Variants in ODAD2 observed in about 807,000 individuals in gnomAD.
The protein encoded by ODAD2 is outer dynein arm-docking complex subunit 2.
In ODAD2, 89 loss-of-function variants were observed where a neutral mutation model predicts 106.8. The ratio of observed to expected loss-of-function variants is 0.83; its 90% CI spans 0.70 to 0.99. ODAD2 has a LOEUF of 0.99. Among genes scored for constraint, ODAD2 ranks in the 50% least tolerant of loss-of-function variants. The probability of loss-of-function intolerance (pLI) is 0.00; values close to 1 mark genes in which losing one functional copy is unlikely to be tolerated. For synonymous variants in ODAD2, 404 were observed against 436.2 expected (o/e 0.93, Z 0.92); for missense variants, 1,168 against 1,238.5 (o/e 0.94, Z 0.85).
At chr10:27,935,929 C>G (rs1164479274) in intron 15 of ODAD2, among the ~76,000 whole-genome samples, 1 of 151,830 alleles carries the variant, frequency 6.6e-6, no homozygotes, top group Non-Finnish European at 1.5e-5. Flanking sequence ...TTTGAAAATT[C>G]CTAGTTTCTA....
chr10:27,838,969 T>C lies in ODAD2; in HGVS notation c.3021+21656A>G, dbSNP rs539204683. ...AAAGATGCTTCAACATGTGCCAGCATCATCTTATGCCAATCTAACGCTTTT... is the reference window on the plus strand; with the variant it reads ...AAAGATGCTTCAACATGTGCCAGCACCATCTTATGCCAATCTAACGCTTTT... On this transcript the variant is annotated intron_variant, in intron 19 of 19. Coordinates refer to ENST00000305242, the MANE Select transcript of ODAD2 (RefSeq NM_018076.5). Among the ~76,000 whole-genome samples, 6 of 152,324 alleles carry C rather than the reference T, an allele frequency of 3.9e-5. No homozygotes were observed. The South Asian group carries it at 1.2e-3, about 32-fold the overall frequency.
At chr10:27,912,331 C>A (rs951336189) in intron 16 of ODAD2, among the ~76,000 whole-genome samples, 2 of 152,084 alleles carry the variant, frequency 1.3e-5, no homozygotes, top group African/African-American at 4.8e-5. Context: ...TCAGTTTTAT[C>A]TCAGAAATCA....
At chr10:27,822,851 G>A (rs1461166829) in intron 19 of ODAD2, among the ~76,000 whole-genome samples, 3 of 152,168 alleles carry the variant, frequency 2.0e-5, no homozygotes, top group Non-Finnish European at 4.4e-5. Context: ...ATTGGATCCA[G>A]TGCTCTTTCT....
chr10:27,984,703 C>T (rs1234764067), intron 4 of ODAD2, among the ~76,000 whole-genome samples: 4 of 152,218 alleles, frequency 2.6e-5, no homozygotes, highest in African/African-American at 9.6e-5. Flanking sequence ...CGTGATGTCA[C>T]CTGCAATTTT....
At chr10:27,882,173 A>AG (rs1554799029) in intron 17 of ODAD2, among the ~76,000 whole-genome samples, 1 of 109,682 alleles carries the variant, frequency 9.1e-6, no homozygotes, top group Non-Finnish European at 1.8e-5. Flanking sequence ...GTCATAAAAA[A>AG]AAAGAAAGAA....
intron 17 of ODAD2, among the ~76,000 whole-genome samples, chr10:27,886,726 T>C (rs1297399437): frequency 6.6e-6 from 1 of 152,040 alleles, no homozygotes; most frequent in Non-Finnish European, 1.5e-5. Flanking sequence ...AAGATGTTAT[T>C]TGTGGCATTC....
chr10:27,837,089 T>C lies in ODAD2; in HGVS notation c.3021+23536A>G, dbSNP rs1198240672. ...ACAAATTCTGATGCAAGAAAGGTCA[T>C]ATTCATCCTGAGGGAAAATTTGTTG... is the stretch of plus-strand genomic sequence containing the variant. On this transcript the variant is annotated intron_variant, in intron 19 of 19. Transcript: ENST00000305242. Among the ~76,000 whole-genome samples, 7 of 152,130 alleles carry C rather than the reference T, an allele frequency of 4.6e-5. No individual in the cohort carries two copies. In the South Asian group the frequency reaches 1.5e-3, roughly 32 times the overall value.
At chr10:27,964,085 G>A (rs1249966125) in intron 9 of ODAD2, among the ~76,000 whole-genome samples, 1 of 152,192 alleles carries the variant, frequency 6.6e-6, no homozygotes, top group Non-Finnish European at 1.5e-5. Context: ...AGCTGGGTAT[G>A]GTGGCGTGTG....
chr10:27,881,481 T>C (rs540987126), intron 17 of ODAD2, among the ~76,000 whole-genome samples: 4 of 150,852 alleles, frequency 2.7e-5, no homozygotes, highest in Admixed American at 6.6e-5. Context: ...AAAAAAAAAA[T>C]TAAAAATTAA....
chr10:27,860,624 C>A lies in ODAD2; in HGVS notation c.3021+1G>T. ...TAAACCACAAAGTCATTCAACTGTA[C>A]CTTTACTGCACCATTCTCATGCATG... On this transcript the variant is annotated splice_donor_variant, in intron 19 of 19. Transcript: ENST00000305242. LOFTEE classifies it high-confidence loss of function. 1 of 1,613,534 alleles carries A rather than the reference C, an allele frequency of 6.2e-7. No individual in the cohort carries two copies. Among genetic ancestry groups the A allele is most frequent in the Non-Finnish European group, 8.5e-7 (1 of 1,179,732 alleles).
intron 19 of ODAD2, among the ~76,000 whole-genome samples, chr10:27,831,283 T>C (rs1367600927): frequency 6.6e-6 from 1 of 152,144 alleles, no homozygotes; most frequent in African/African-American, 2.4e-5. Context: ...TTATAAAATA[T>C]TAAATCTGTA....
Position 27,812,606 on chromosome 10 carries a change from C to G in ODAD2, c.3041G>C (p.Gly1014Ala), listed in dbSNP as rs1393256524. 1 of 1,604,252 alleles carries G rather than the reference C, an allele frequency of 6.2e-7. No homozygotes were observed. ...GAVKLLLDMVGSPDQDLQEAA... is the reference protein window; with the variant it reads ...GAVKLLLDMVASPDQDLQEAA... ...TTCCTGGAGATCCTGGTCAGGGGAC[C>G]CAACCATATCCAGTAGAAGCTGTCA... Residue 1014 changes from glycine (G) to alanine (A), a missense_variant, in exon 20 of 20, where the codon GGG becomes GCG. Physicochemically the swap from Gly to Ala is moderately conservative, Grantham distance 60. Around this residue, in one of 3 missense-constraint regions of ODAD2, gnomAD observed 701 missense variants for 712.3 expected, o/e 0.98. Transcript: ENST00000305242.
chr10:27,900,184 T>A (rs1843104111), intron 17 of ODAD2, among the ~76,000 whole-genome samples: 1 of 151,886 alleles, frequency 6.6e-6, no homozygotes, highest in African/African-American at 2.4e-5. Flanking sequence ...GGATCTGGAG[T>A]GGGACTCCAG....
At position 27,812,475 on chromosome 10, in the gene ODAD2, A is replaced by G. The variant is rs956980900; in HGVS notation, c.*37T>C. 1 of 1,604,432 alleles carries G rather than the reference A, an allele frequency of 6.2e-7. No individual in the cohort carries two copies. Among genetic ancestry groups the G allele is most frequent in the Admixed American group, 1.7e-5 (1 of 59,140 alleles). ...CCATGGGAGTGACATGTCCTGTGTC[A>G]TGTAGAATTTGATAGCTTGTAATGT... On this transcript the variant is annotated 3_prime_UTR_variant, in exon 20 of 20. Coordinates refer to ENST00000305242, the MANE Select transcript of ODAD2 (RefSeq NM_018076.5).
At chr10:27,992,316 T>C (rs575280563) in intron 2 of ODAD2, among the ~76,000 whole-genome samples, 2 of 152,248 alleles carry the variant, frequency 1.3e-5, no homozygotes, top group East Asian at 3.9e-4. Context: ...ATAGTAAATA[T>C]GACAGAAGTA....
chr10:27,827,379 C>CACACTATATATATATATATATATA, intron 19 of ODAD2, among the ~76,000 whole-genome samples: 1 of 132,468 alleles, frequency 7.5e-6, no homozygotes, highest in Admixed American at 7.8e-5. Flanking sequence ...CACACACACA[C>CACACTATATATATATATATATATA]TATATATATA....
At chr10:27,976,262 T>TA (rs1034380530) in intron 7 of ODAD2, among the ~76,000 whole-genome samples, 9 of 151,660 alleles carry the variant, frequency 5.9e-5, no homozygotes, top group Admixed American at 2.6e-4. Flanking sequence ...TAAAAAGAAA[T>TA]AAAAAAACTG....
intron 16 of ODAD2, among the ~76,000 whole-genome samples, chr10:27,915,167 A>T (rs1174004796): frequency 6.6e-6 from 1 of 152,184 alleles, no homozygotes; most frequent in Non-Finnish European, 1.5e-5. Flanking sequence ...TCATAATCAA[A>T]TGGCTGAAAC....
At chr10:27,875,826 A>G (rs1328083217) in intron 17 of ODAD2, among the ~76,000 whole-genome samples, 1 of 152,174 alleles carries the variant, frequency 6.6e-6, no homozygotes, top group Non-Finnish European at 1.5e-5. Flanking sequence ...TGGCACCTGG[A>G]AAATCGGGTC....
Sources: gnomAD v4.1 joint callset for allele counts (sites outside exome capture counted in the v4.1 genomes callset) on GRCh38, gnomAD v4.1.1 for gene constraint, gnomAD v4.1.1 regional missense constraint, MANE v1.5 for transcripts, NCBI Gene and HGNC (gene_info 2026-07-23, HGNC 2026-07-21) for gene names.